Variants in FOXP1 observed in about 807,000 individuals in gnomAD.
The protein encoded by FOXP1 is forkhead box P1.
FOXP1 carries 15 observed loss-of-function variants against 98.2 expected under a neutral mutation model. The ratio of observed to expected loss-of-function variants is 0.15; its 90% CI spans 0.10 to 0.24. The LOEUF (loss-of-function observed/expected upper bound fraction) is 0.24. FOXP1 is among the 10% of genes least tolerant of loss of function. The pLI is 1.00. For synonymous variants in FOXP1, 371 were observed against 314.5 expected, an observed-to-expected ratio of 1.18 and a Z score of -1.90; for missense variants, 633 against 848.5, an observed-to-expected ratio of 0.75 and a Z score of 3.15.
At chr3:71,348,261 G>A (rs1250905030) in intron 4 of FOXP1, among the ~76,000 whole-genome samples, 3 of 152,026 alleles carry the variant, frequency 2.0e-5, no homozygotes, top group African/African-American at 4.8e-5. Flanking sequence ...TCTATTTCCC[G>A]TAGAACTAGA....
chr3:71,259,983 T>G (rs906573947), intron 5 of FOXP1, among the ~76,000 whole-genome samples: 1 of 152,102 alleles, frequency 6.6e-6, no homozygotes, highest in Non-Finnish European at 1.5e-5. Context: ...CCAGGGACAC[T>G]TTCTTTTCTT....
At position 70,972,687 on chromosome 3, in the gene FOXP1, T is replaced by C. The variant is rs2107202497; in HGVS notation, c.1531-11A>G. 1.2e-6 allele frequency: 2 copies of C among 1,613,740 alleles called. No homozygotes were observed. Among genetic ancestry groups the C allele is most frequent in the East Asian group, 2.2e-5 (1 of 44,868 alleles). ...ATGACGCACTGCATTCTGCAGCAAG[T>C]ATAAAAGAGAGAACATTTACATTTT... On this transcript the variant is annotated splice_polypyrimidine_tract_variant and intron_variant, in intron 17 of 20. Transcript: ENST00000649528.
At chr3:71,283,887 G>A (rs994202879) in intron 5 of FOXP1, among the ~76,000 whole-genome samples, 1 of 152,134 alleles carries the variant, frequency 6.6e-6, no homozygotes, top group African/African-American at 2.4e-5. Flanking sequence ...AGGGCCACTG[G>A]TATAGTGGCC....
At chr3:71,201,217 A>T (rs907180819) in intron 5 of FOXP1, among the ~76,000 whole-genome samples, 1 of 152,238 alleles carries the variant, frequency 6.6e-6, no homozygotes, top group Non-Finnish European at 1.5e-5. Flanking sequence ...AAGATATAAG[A>T]ATCAGGTAAC....
intron 3 of FOXP1, among the ~76,000 whole-genome samples, chr3:71,466,551 C>A (rs972023466): frequency 6.6e-6 from 1 of 152,168 alleles, no homozygotes; most frequent in Non-Finnish European, 1.5e-5. Flanking sequence ...TTATGCTATG[C>A]GAATCTGATC....
chr3:70,965,120 G>C (rs2034466252), intron 20 of FOXP1, among the ~76,000 whole-genome samples: 1 of 152,182 alleles, frequency 6.6e-6, no homozygotes, highest in African/African-American at 2.4e-5. Flanking sequence ...AGCATCTCCT[G>C]CAAAGCCAAT....
intron 4 of FOXP1, among the ~76,000 whole-genome samples, chr3:71,306,298 G>C (rs896355951): frequency 1.3e-5 from 2 of 152,006 alleles, no homozygotes; most frequent in East Asian, 1.9e-4. Flanking sequence ...CTCACTCGTG[G>C]GGCGGGGGGG....
At chr3:71,342,483 A>T (rs750398817) in intron 4 of FOXP1, among the ~76,000 whole-genome samples, 2 of 152,174 alleles carry the variant, frequency 1.3e-5, no homozygotes, top group African/African-American at 2.4e-5. Context: ...CAGCCTGATC[A>T]GGAGTTCGAG....
At chr3:71,422,774 G>C (rs1024388878) in intron 3 of FOXP1, among the ~76,000 whole-genome samples, 4 of 152,080 alleles carry the variant, frequency 2.6e-5, no homozygotes, top group African/African-American at 9.7e-5. Context: ...AGAAAAAAAG[G>C]GGTGAATGCC....
chr3:71,282,632 A>AG (rs939350803), intron 5 of FOXP1, among the ~76,000 whole-genome samples: 52 of 152,214 alleles, frequency 3.4e-4, no homozygotes, highest in Admixed American at 6.5e-5. Context: ...AAAGGCTTCA[A>AG]GAAATCTGGT....
chr3:71,216,944 G>A (rs955467725), intron 5 of FOXP1, among the ~76,000 whole-genome samples: 2 of 152,102 alleles, frequency 1.3e-5, no homozygotes, highest in African/African-American at 2.4e-5. Context: ...GGATGCTGTC[G>A]GACATCCTAC....
At chr3:71,113,712 CAAA>C (rs869291499) in intron 6 of FOXP1, among the ~76,000 whole-genome samples, 182 of 102,410 alleles carry the variant, frequency 1.8e-3, no homozygotes, top group African/African-American at 6.0e-3. Context: ...GCTTCCATCT[CAAA>C]ATAAAATAAA....
chr3:71,449,371 GT>G (rs781541306), intron 3 of FOXP1, among the ~76,000 whole-genome samples: 23 of 152,114 alleles, frequency 1.5e-4, no homozygotes, highest in Non-Finnish European at 2.4e-4. Context: ...CCTTAATCCG[GT>G]GTTAAAAGAA....
chr3:71,043,076 G>A (rs747967612), intron 10 of FOXP1, among the ~76,000 whole-genome samples: 7 of 152,138 alleles, frequency 4.6e-5, no homozygotes, highest in African/African-American at 1.7e-4. Context: ...CCGCCTTTCT[G>A]AGAGGAGCGT....
chr3:71,318,213 T>TA (rs1432898216), intron 4 of FOXP1, among the ~76,000 whole-genome samples: 1 of 145,898 alleles, frequency 6.9e-6, no homozygotes, highest in Admixed American at 7.1e-5. Context: ...GGCATGAAAA[T>TA]AGAGTTTCAG....
intron 4 of FOXP1, among the ~76,000 whole-genome samples, chr3:71,342,096 G>A (rs1194426820): frequency 6.6e-6 from 1 of 152,270 alleles, no homozygotes. Context: ...TTTACATGCT[G>A]CAAGCTACTA....
intron 14 of FOXP1, among the ~76,000 whole-genome samples, chr3:70,979,311 A>AGAAAAG (rs2038323457): frequency 6.8e-6 from 1 of 147,592 alleles, no homozygotes; most frequent in Non-Finnish European, 1.5e-5. Flanking sequence ...AAAAAAAAAA[A>AGAAAAG]AAAAAAAAAG....
intron 3 of FOXP1, among the ~76,000 whole-genome samples, chr3:71,388,152 C>T (rs529248657): frequency 5.9e-5 from 9 of 152,252 alleles, no homozygotes; most frequent in African/African-American, 1.9e-4. Flanking sequence ...AATTCTCTGG[C>T]TTCCCAATTT....
intron 3 of FOXP1, among the ~76,000 whole-genome samples, chr3:71,439,522 AT>A (rs2085705558): frequency 6.6e-6 from 1 of 152,228 alleles, no homozygotes; most frequent in Non-Finnish European, 1.5e-5. Flanking sequence ...AACTTAAGAA[AT>A]ACTTGTACAC....
Sources: gnomAD v4.1 joint callset for allele counts (sites outside exome capture counted in the v4.1 genomes callset) on GRCh38, gnomAD v4.1.1 for gene constraint, MANE v1.5 for transcripts, NCBI Gene and HGNC (gene_info 2026-07-23, HGNC 2026-07-21) for gene names.